SLC5A12: variants seen among roughly 807,000 people sequenced by gnomAD.
The protein encoded by SLC5A12 is solute carrier family 5 member 12, also known as sodium-coupled monocarboxylate transporter 2.
SLC5A12 carries 46 observed loss-of-function variants against 72.7 expected under a neutral mutation model. The observed-to-expected ratio is 0.63, with a 90% CI of 0.50 to 0.81. The LOEUF is 0.81. Ranked by LOEUF, SLC5A12 falls within the 30% of genes least tolerant of loss-of-function variation. The pLI is 0.00. For synonymous variants in SLC5A12, 275 were observed against 264.4 expected, an observed-to-expected ratio of 1.04 and a Z score of -0.39; for missense variants, 683 against 740.7, an observed-to-expected ratio of 0.92 and a Z score of 0.90.
intron 13 of SLC5A12, among the ~76,000 whole-genome samples, chr11:26,674,466 C>G (rs1039080766): frequency 6.6e-6 from 1 of 152,016 alleles, no homozygotes; most frequent in Non-Finnish European, 1.5e-5. Context: ...GTGGCATGAT[C>G]TCGGCTCAAT....
chr11:26,696,931 T>G (rs942102590), intron 8 of SLC5A12, among the ~76,000 whole-genome samples: 1 of 152,210 alleles, frequency 6.6e-6, no homozygotes, highest in African/African-American at 2.4e-5. Flanking sequence ...GTTTACTAAC[T>G]CACCATAGGT....
chr11:26,672,740 C>T (rs1444877066), intron 14 of SLC5A12, among the ~76,000 whole-genome samples: 6 of 152,090 alleles, frequency 3.9e-5, no homozygotes, highest in Non-Finnish European at 7.4e-5. Flanking sequence ...CTGATGAAAC[C>T]TTAATAGAAC....
chr11:26,690,502 T>C (rs1854641781), intron 9 of SLC5A12, among the ~76,000 whole-genome samples: 1 of 151,434 alleles, frequency 6.6e-6, no homozygotes, highest in Non-Finnish European at 1.5e-5. Context: ...GCTGGGAAAG[T>C]GAACTATATA....
At chr11:26,673,343 C>A (rs202174133) in intron 14 of SLC5A12, 59 bp downstream of exon 14, 13 of 1,401,362 alleles carry the variant, frequency 9.3e-6, no homozygotes, top group Non-Finnish European at 1.2e-5. Context: ...TTTAAATGGG[C>A]AAAACCAGGA....
At chr11:26,673,357 C>T (rs774342103) in intron 14 of SLC5A12, 45 bp downstream of exon 14, 1 of 1,450,966 alleles carries the variant, frequency 6.9e-7, no homozygotes, top group African/African-American at 1.4e-5. Context: ...ACCAGGAATC[C>T]CTTTGAGTCC....
At position 26,721,507 on chromosome 11, in the gene SLC5A12, TC is replaced by T. The variant is rs745875568; in HGVS notation, c.207del (p.Thr70ProfsTer13). 6.2e-7 allele frequency: 1 copy of T among 1,613,022 alleles called. No individual in the cohort carries two copies. Among genetic ancestry groups the T allele is most frequent in the Non-Finnish European group, 8.5e-7 (1 of 1,179,768 alleles). On this transcript the variant is annotated frameshift_variant, in exon 1 of 15. Coordinates refer to ENST00000396005, the MANE Select transcript of SLC5A12 (RefSeq NM_178498.4). LOFTEE classifies it high-confidence loss of function. ...CCAAAGCGGTAGACTTCAGAAGGGGTCCCCAGGACCGTGACAGCTGACATGA... is the reference window on the plus strand; with the variant it reads ...CCAAAGCGGTAGACTTCAGAAGGGGTCCCAGGACCGTGACAGCTGACATGA... ...ASFMSAVTVL[G>X]TPSEVYRFGA... is the part of the protein sequence containing the mutation.
At chr11:26,684,957 G>A (rs779255538) in intron 10 of SLC5A12, among the ~76,000 whole-genome samples, 43 of 152,250 alleles carry the variant, frequency 2.8e-4, no homozygotes, top group Non-Finnish European at 5.6e-4. Flanking sequence ...TCACCACCTT[G>A]CCACTTCTGC....
intron 9 of SLC5A12, among the ~76,000 whole-genome samples, chr11:26,690,327 T>G (rs1410148035): frequency 6.6e-6 from 1 of 152,104 alleles, no homozygotes; most frequent in African/African-American, 2.4e-5. Context: ...ATCAGACATT[T>G]AAATAAAATG....
intron 4 of SLC5A12, among the ~76,000 whole-genome samples, chr11:26,707,263 C>A (rs1484022692): frequency 5.9e-5 from 9 of 151,862 alleles, no homozygotes; most frequent in Non-Finnish European, 1.3e-4. Context: ...ATTTGCTGTT[C>A]TACAGTTTCA....
At chr11:26,691,593 CATA>C (rs1378692889) in intron 9 of SLC5A12, 2 of 151,934 alleles carry the variant, frequency 1.3e-5, no homozygotes, top group African/African-American at 4.8e-5. Context: ...TAAAAAAATA[CATA>C]ATAACATGAT....
intron 7 of SLC5A12, among the ~76,000 whole-genome samples, chr11:26,697,585 T>G (rs867095632): frequency 9.9e-5 from 15 of 152,028 alleles, no homozygotes; most frequent in Non-Finnish European, 1.3e-4. Context: ...TAAATATATA[T>G]AGAGAGGGAA....
At chr11:26,711,284 C>T (rs1204897762) in intron 3 of SLC5A12, 23 bp downstream of exon 3, 6 of 1,603,820 alleles carry the variant, frequency 3.7e-6, no homozygotes, top group Middle Eastern at 1.7e-4. Context: ...GTAAAATATG[C>T]CAAGAGAATG....
rs189840350 is a variant in SLC5A12, at chr11:26,721,568, G to A, written c.147C>T (p.Ser49=). ...REFLVGGRQM[S]FGPVGLSLTA... The stretch of plus-strand genomic sequence containing the variant: ...TCAGAGACAAGCCGACAGGGCCAAA[G>A]CTCATTTGCCTTCCCCCAACCAGGA... The change falls in exon 1 of 15, where the codon AGC becomes AGT. Residue 49 remains serine, a synonymous_variant. Coordinates refer to ENST00000396005, the MANE Select transcript of SLC5A12 (RefSeq NM_178498.4). 2.7e-4 allele frequency: 428 copies of A among 1,614,156 alleles called. 3 individuals are homozygous for A. The East Asian group carries it at 9.2e-3, about 35-fold the overall frequency.
intron 9 of SLC5A12, among the ~76,000 whole-genome samples, chr11:26,689,090 C>CAAAAAAAAAAAAAAAAAAA (rs36100337): frequency 9.0e-6 from 1 of 111,342 alleles, no homozygotes. Flanking sequence ...AAGGACGTTA[C>CAAAAAAAAAAAAAAAAAAA]AAAAAAAAAA....
At chr11:26,676,834 A>G (rs577815813) in intron 13 of SLC5A12, among the ~76,000 whole-genome samples, 11 of 152,306 alleles carry the variant, frequency 7.2e-5, no homozygotes, top group African/African-American at 2.2e-4. Flanking sequence ...CTATGTGTCA[A>G]CATGTATGAG....
At chr11:26,692,686 AAGGC>A in intron 8 of SLC5A12, 85 bp from the exon 9 acceptor site, 1 of 832,890 alleles carries the variant, frequency 1.2e-6, no homozygotes. Flanking sequence ...GCAGATAGAT[AAGGC>A]AGGCCTCTAG....
chr11:26,716,241 C>G (rs530143289), intron 1 of SLC5A12: 4 of 152,226 alleles, frequency 2.6e-5, no homozygotes, highest in African/African-American at 9.6e-5. Flanking sequence ...ATTACAAAGA[C>G]AGTACTAGGG....
Position 26,721,784 on chromosome 11 carries a change from G to A in SLC5A12, c.-70C>T. On this transcript the variant is annotated 5_prime_UTR_variant, in exon 1 of 15. Transcript: ENST00000396005. ...GGAAGAAGATGTTTCCAAAAGCAAA[G>A]TTCAGTACAGTGGATGCTTTGCTGA... 1 of 1,314,694 alleles carries A rather than the reference G, an allele frequency of 7.6e-7. No homozygotes were observed. The highest frequency in any genetic ancestry group is 1.1e-6 in the Non-Finnish European group (1 of 937,018). The allele number at this position is 1,314,694 out of a possible 1,614,324, so 81.4% of individuals were successfully genotyped here.
At chr11:26,723,114 T>C (rs1042764802), upstream of SLC5A12, among the ~76,000 whole-genome samples, 5 of 151,864 alleles carry the variant, frequency 3.3e-5, no homozygotes, top group Non-Finnish European at 4.4e-5. Context: ...ATAAAAAAAA[T>C]AATTTTTAGA....
Sources: allele counts gnomAD v4.1 joint callset (sites outside exome capture counted in the v4.1 genomes callset), GRCh38; gene constraint gnomAD v4.1.1; transcripts MANE v1.5; gene names NCBI Gene and HGNC (gene_info 2026-07-23, HGNC 2026-07-21).